Variants in EMSY observed in about 807,000 individuals in gnomAD.
EMSY encodes BRCA2-interacting transcriptional repressor EMSY.
In EMSY, 26 loss-of-function variants were observed where a neutral mutation model predicts 134.6. The observed-to-expected ratio is 0.19, with a 90% confidence interval of 0.14 to 0.27. The LOEUF is 0.27. Among genes scored for constraint, EMSY ranks in the 10% least tolerant of loss-of-function variants. The pLI is 1.00. For missense variants in EMSY, 1,305 were observed against 1,611.4 expected (o/e 0.81, Z 3.26); for synonymous variants, 579 against 577.8 (o/e 1.00, Z -0.03).
intron 8 of EMSY, among the ~76,000 whole-genome samples, chr11:76,483,805 C>T (rs1484920912): frequency 6.6e-6 from 1 of 152,126 alleles, no homozygotes; most frequent in East Asian, 1.9e-4. Flanking sequence ...TAGTGGGAGA[C>T]TTTAACACCC....
chr11:76,459,201 T>A (rs1220785182), intron 5 of EMSY: 1 of 152,204 alleles, frequency 6.6e-6, no homozygotes, highest in Non-Finnish European at 1.5e-5. Context: ...CATGTTTGAA[T>A]CTTAATTTGT....
At chr11:76,518,010 G>T (rs1486873005) in intron 11 of EMSY, among the ~76,000 whole-genome samples, 1 of 151,896 alleles carries the variant, frequency 6.6e-6, no homozygotes, top group Non-Finnish European at 1.5e-5. Context: ...GTTGATCCAT[G>T]ATACTGGGAT....
At chr11:76,453,192 A>G (rs909702221) in intron 3 of EMSY, 122 bp from the exon 4 acceptor site, 1 of 740,944 alleles carries the variant, frequency 1.3e-6, no homozygotes, top group Non-Finnish European at 2.2e-6. Context: ...TCCTGTCTAT[A>G]TCTTTTCACA....
intron 7 of EMSY, among the ~76,000 whole-genome samples, chr11:76,470,207 G>A (rs148956481): frequency 9.3e-4 from 141 of 152,172 alleles, no homozygotes; most frequent in Non-Finnish European, 1.6e-3. Context: ...AAATGAAAAA[G>A]AATTTTCCCT....
intron 9 of EMSY, among the ~76,000 whole-genome samples, chr11:76,509,487 C>T (rs1462355496): frequency 2.0e-5 from 3 of 151,446 alleles, no homozygotes; most frequent in Non-Finnish European, 2.9e-5. Flanking sequence ...AGCGAGACTC[C>T]GTCTCAAAAA....
chr11:76,516,349 C>A (rs2136169717), intron 11 of EMSY, 37 bp downstream of exon 12: 1 of 1,421,686 alleles, frequency 7.0e-7, no homozygotes, highest in Non-Finnish European at 9.4e-7. Context: ...GTATAGGTGG[C>A]CTTCATTGAG....
chr11:76,525,385 A>G (rs1950809322), intron 12 of EMSY, among the ~76,000 whole-genome samples: 1 of 152,214 alleles, frequency 6.6e-6, no homozygotes, highest in Admixed American at 6.5e-5. Flanking sequence ...TGAATTCACA[A>G]TGATTGCTTT....
At chr11:76,507,316 C>T (rs922500337) in intron 9 of EMSY, among the ~76,000 whole-genome samples, 3 of 152,126 alleles carry the variant, frequency 2.0e-5, no homozygotes, top group Non-Finnish European at 4.4e-5. Context: ...TAAAGTAAGA[C>T]AACAGTGAAG....
chr11:76,495,216 G>A (rs1949602951), intron 8 of EMSY, among the ~76,000 whole-genome samples: 1 of 152,196 alleles, frequency 6.6e-6, no homozygotes, highest in Non-Finnish European at 1.5e-5. Context: ...ATAAGAACGT[G>A]ATATTATTTA....
chr11:76,492,307 C>G lies in EMSY; in HGVS notation c.1109-3908C>G, dbSNP rs564292481. ...TGGCCAACATGGTGAAACCTCTACTCGACTAAAAATACAAAAATTAGCCAT... is the reference window on the plus strand; with the variant it reads ...TGGCCAACATGGTGAAACCTCTACTGGACTAAAAATACAAAAATTAGCCAT... On this transcript the variant is annotated intron_variant, in intron 8 of 20. Coordinates refer to ENST00000334736, the Ensembl canonical transcript of EMSY. Among the ~76,000 whole-genome samples, 6 of 152,078 alleles carry G rather than the reference C, an allele frequency of 3.9e-5. No individual in the cohort carries two copies. The South Asian group carries it at 1.2e-3, about 32-fold the overall frequency.
At chr11:76,479,842 G>A (rs113651351) in intron 8 of EMSY, among the ~76,000 whole-genome samples, 4,860 of 152,244 alleles carry the variant, frequency 0.032, 109 homozygotes, top group Non-Finnish European at 0.048. Context: ...TGAAGATTTC[G>A]ATCACGTATT....
At chr11:76,532,072 A>G (rs1290874870) in intron 14 of EMSY, among the ~76,000 whole-genome samples, 1 of 152,134 alleles carries the variant, frequency 6.6e-6, no homozygotes, top group East Asian at 1.9e-4. Flanking sequence ...TGCTTTGTAC[A>G]TCAGCTCTTT....
At chr11:76,446,686 T>C (rs1368302537) in intron 1 of EMSY, among the ~76,000 whole-genome samples, 1 of 152,250 alleles carries the variant, frequency 6.6e-6, no homozygotes, top group Non-Finnish European at 1.5e-5. Flanking sequence ...TAGAGGTGTC[T>C]GGCTCTAAAG....
At chr11:76,507,865 C>CTTTTTTTTTTTTTTTTTTTTTTTTTTTT (rs55756987) in intron 9 of EMSY, among the ~76,000 whole-genome samples, 2 of 118,630 alleles carry the variant, frequency 1.7e-5, no homozygotes, top group African/African-American at 3.0e-5. Context: ...TTTTCTTTTT[C>CTTTTTTTTTTTTTTTTTTTTTTTTTTTT]TTTTTTTTTT....
intron 2 of EMSY, 55 bp from the exon 3 acceptor site, chr11:76,451,803 C>A (rs1947681203): frequency 2.7e-6 from 3 of 1,096,512 alleles, no homozygotes; most frequent in Non-Finnish European, 3.8e-6. Flanking sequence ...CTATACATAG[C>A]CATAGTATTA....
At chr11:76,476,941 C>G (rs1948790437) in intron 8 of EMSY, among the ~76,000 whole-genome samples, 1 of 152,060 alleles carries the variant, frequency 6.6e-6, no homozygotes, top group South Asian at 2.1e-4. Context: ...TCGTTTCATA[C>G]TGATATTACC....
At chr11:76,542,242 C>G (rs1174882037) in exon 18 of EMSY, 2 of 1,614,094 alleles carry the variant, frequency 1.2e-6, no homozygotes, top group African/African-American at 2.7e-5. Flanking sequence ...GCCCCAACAG[C>G]CTTCCCAGCC....
chr11:76,472,937 C>T, intron 8 of EMSY, 97 bp downstream of exon 9: 2 of 1,330,778 alleles, frequency 1.5e-6, no homozygotes, highest in Non-Finnish European at 2.1e-6. Context: ...ATATGAAGGT[C>T]CCTACTATTA....
At chr11:76,445,112 C>T (rs1333522330) in exon 1 of EMSY, 1 of 153,148 alleles carries the variant, frequency 6.5e-6, no homozygotes, top group Non-Finnish European at 1.5e-5. Flanking sequence ...TTAGATGAGC[C>T]CCGAAAGGCC....
Sources: gnomAD v4.1 joint callset for allele counts (sites outside exome capture counted in the v4.1 genomes callset) on GRCh38, gnomAD v4.1.1 for gene constraint, MANE v1.5 for transcripts, NCBI Gene and HGNC (gene_info 2026-07-23, HGNC 2026-07-21) for gene names.